TAFA1: variants seen among roughly 807,000 people sequenced by gnomAD.
TAFA1 encodes the protein chemokine-like protein TAFA-1.
TAFA1 carries 4 observed loss-of-function variants against 18.5 expected under a neutral mutation model. The observed-to-expected ratio is 0.22, with a 90% CI of 0.11 to 0.49. The LOEUF (loss-of-function observed/expected upper bound fraction) is 0.49, where lower values mean the gene tolerates loss of function less well. TAFA1 is among the 20% of genes least tolerant of loss of function. The pLI is 0.98. For synonymous variants in TAFA1, 56 were observed against 55.2 expected (o/e 1.01, Z -0.06); for missense variants, 147 against 169.0 (o/e 0.87, Z 0.72).
intron 3 of TAFA1, among the ~76,000 whole-genome samples, chr3:68,485,763 A>C (rs1314300004): frequency 6.6e-6 from 1 of 152,188 alleles, no homozygotes; most frequent in African/African-American, 2.4e-5. Context: ...CTTGAACTAT[A>C]ATTTCTAGGA....
chr3:68,333,530 A>G, intron 2 of TAFA1, among the ~76,000 whole-genome samples: 1 of 152,138 alleles, frequency 6.6e-6, no homozygotes, highest in Non-Finnish European at 1.5e-5. Flanking sequence ...TATGCTTACT[A>G]CCTGGGTGAT....
intron 2 of TAFA1, among the ~76,000 whole-genome samples, chr3:68,416,881 C>T (rs753427807): frequency 6.6e-6 from 1 of 152,150 alleles, no homozygotes; most frequent in Non-Finnish European, 1.5e-5. Flanking sequence ...ACTGTAGCTT[C>T]TGTATCACTG....
intron 4 of TAFA1, among the ~76,000 whole-genome samples, chr3:68,539,692 GT>G (rs1559711712): frequency 4.1e-3 from 307 of 74,422 alleles, no homozygotes; most frequent in Admixed American, 5.4e-3. Flanking sequence ...GGGGCATGGG[GT>G]GGGTGGGTGG....
intron 3 of TAFA1, among the ~76,000 whole-genome samples, chr3:68,524,702 C>T (rs1365006617): frequency 6.6e-6 from 1 of 151,696 alleles, no homozygotes; most frequent in Middle Eastern, 3.4e-3. Flanking sequence ...ACTGAGTCTC[C>T]CTCTGTCGCC....
intron 2 of TAFA1, among the ~76,000 whole-genome samples, chr3:68,276,297 T>A (rs769161093): frequency 8.5e-5 from 13 of 152,178 alleles, no homozygotes; most frequent in Non-Finnish European, 1.5e-4. Context: ...GAATAATTCT[T>A]GGTCATGGGA....
intron 3 of TAFA1, among the ~76,000 whole-genome samples, chr3:68,483,893 G>T (rs2072284635): frequency 6.6e-6 from 1 of 152,236 alleles, no homozygotes; most frequent in South Asian, 2.1e-4. Flanking sequence ...TAGCTCTTTA[G>T]ACTGAGGTAT....
intron 2 of TAFA1, among the ~76,000 whole-genome samples, chr3:68,175,961 A>C (rs529171090): frequency 6.6e-5 from 10 of 152,094 alleles, no homozygotes; most frequent in Non-Finnish European, 8.8e-5. Flanking sequence ...GTGATAGTGA[A>C]TATGTCTCAC....
chr3:68,474,047 T>TCCC (rs1276548618), intron 3 of TAFA1, among the ~76,000 whole-genome samples: 1 of 75,550 alleles, frequency 1.3e-5, no homozygotes, highest in African/African-American at 9.2e-5. Flanking sequence ...AGAAAATGTA[T>TCCC]CACCCCCCCC....
chr3:68,457,137 A>G (rs2071680855), intron 3 of TAFA1, among the ~76,000 whole-genome samples: 1 of 152,234 alleles, frequency 6.6e-6, no homozygotes, highest in African/African-American at 2.4e-5. Flanking sequence ...TCACTGCAAT[A>G]GCAACTGTAG....
intron 3 of TAFA1, among the ~76,000 whole-genome samples, chr3:68,490,914 A>C (rs1463781391): frequency 6.6e-6 from 1 of 151,594 alleles, no homozygotes; most frequent in Non-Finnish European, 1.5e-5. Flanking sequence ...ATTACAGATC[A>C]CTACAGCCGG....
intron 2 of TAFA1, among the ~76,000 whole-genome samples, chr3:68,079,960 A>C (rs2064875831): frequency 6.6e-6 from 1 of 151,860 alleles, no homozygotes; most frequent in Admixed American, 6.6e-5. Flanking sequence ...GTCTCTTTGT[A>C]GGTCACTCAG....
At chr3:68,533,124 C>T (rs1393410401) in intron 3 of TAFA1, among the ~76,000 whole-genome samples, 2 of 150,568 alleles carry the variant, frequency 1.3e-5, no homozygotes, top group East Asian at 1.9e-4. Flanking sequence ...GTAAGGTGAG[C>T]GGTCGCATCC....
chr3:68,405,699 C>CAAAA lies in TAFA1; in HGVS notation c.119-11543_119-11540dup, dbSNP rs56258198. ...TAGGCAATGGAGTGAGACTCTATCT[C>CAAAA]AAAAAAAAAAAAAAAAAAAAAAAAA... On this transcript the variant is annotated intron_variant, in intron 2 of 4. Transcript: ENST00000478136. 2.8e-3 allele frequency among the ~76,000 whole-genome samples: 92 copies of CAAAA among 32,872 alleles called. 8 individuals are homozygous for CAAAA. The highest frequency in any genetic ancestry group is 4.1e-3 in the Admixed American group (8 of 1,966). 21.6% of individuals were successfully genotyped at this position (32,872 alleles called of 152,430 possible).
chr3:68,122,423 CAT>C (rs544636075), intron 2 of TAFA1, among the ~76,000 whole-genome samples: 193 of 152,192 alleles, frequency 1.3e-3, no homozygotes, highest in African/African-American at 4.3e-3. Context: ...TAAATAATCA[CAT>C]GTGTTCTAGA....
intron 2 of TAFA1, among the ~76,000 whole-genome samples, chr3:68,204,491 G>A (rs536816692): frequency 6.9e-6 from 1 of 144,196 alleles, no homozygotes; most frequent in Non-Finnish European, 1.5e-5. Context: ...CTCAGCTGTG[G>A]ACCAACAGTT....
chr3:68,229,519 T>A (rs944822409), intron 2 of TAFA1, among the ~76,000 whole-genome samples: 3 of 151,894 alleles, frequency 2.0e-5, no homozygotes, highest in African/African-American at 7.3e-5. Context: ...TGGAGTGGGC[T>A]TTTTTTTGGC....
intron 3 of TAFA1, among the ~76,000 whole-genome samples, chr3:68,453,448 A>G (rs1014560120): frequency 6.6e-6 from 1 of 152,180 alleles, no homozygotes; most frequent in Admixed American, 6.5e-5. Context: ...AGGCTTCTGG[A>G]TGCCCCAAAT....
chr3:68,191,267 A>G (rs1349079608), intron 2 of TAFA1, among the ~76,000 whole-genome samples: 1 of 151,802 alleles, frequency 6.6e-6, no homozygotes, highest in Non-Finnish European at 1.5e-5. Context: ...AATCCTCAAC[A>G]ACAAGGCAAA....
chr3:68,339,096 C>T (rs2106748526), intron 2 of TAFA1, among the ~76,000 whole-genome samples: 1 of 152,318 alleles, frequency 6.6e-6, no homozygotes, highest in African/African-American at 2.4e-5. Flanking sequence ...ATGGCCAAAA[C>T]CAATATCAGT....
Sources: allele counts gnomAD v4.1 joint callset (sites outside exome capture counted in the v4.1 genomes callset), GRCh38; gene constraint gnomAD v4.1.1; transcripts MANE v1.5; gene names NCBI Gene and HGNC (gene_info 2026-07-23, HGNC 2026-07-21).